SLC8A1: variants seen among roughly 807,000 people sequenced by gnomAD.
SLC8A1 encodes the protein sodium/calcium exchanger 1.
SLC8A1 carries 18 observed loss-of-function variants against 68.3 expected under a neutral mutation model. The observed-to-expected ratio is 0.26, with a 90% CI of 0.18 to 0.39. The LOEUF is 0.39. Among genes scored for constraint, SLC8A1 ranks in the 10% least tolerant of loss-of-function variants. The pLI is 1.00. For synonymous variants in SLC8A1, 475 were observed against 415.5 expected, an observed-to-expected ratio of 1.14 and a Z score of -1.74; for missense variants, 985 against 1,156.7, an observed-to-expected ratio of 0.85 and a Z score of 2.15.
At chr2:40,179,353 A>T (rs976386175) in intron 2 of SLC8A1, among the ~76,000 whole-genome samples, 2 of 152,228 alleles carry the variant, frequency 1.3e-5, no homozygotes, top group African/African-American at 4.8e-5. Context: ...CTGTAATCCA[A>T]CCTTTAACAG....
chr2:40,406,808 G>T (rs995419654), intron 2 of SLC8A1, among the ~76,000 whole-genome samples: 4 of 152,168 alleles, frequency 2.6e-5, no homozygotes. Flanking sequence ...AGAGACATCT[G>T]CAGAGGGACC....
intron 2 of SLC8A1, among the ~76,000 whole-genome samples, chr2:40,322,818 G>T (rs2075360326): frequency 7.2e-6 from 1 of 138,968 alleles, no homozygotes; most frequent in Non-Finnish European, 1.6e-5. Context: ...CCATTTATTG[G>T]GTAACACACA....
chr2:40,375,517 T>C (rs1323682884), intron 2 of SLC8A1, among the ~76,000 whole-genome samples: 3 of 152,128 alleles, frequency 2.0e-5, no homozygotes, highest in Admixed American at 1.3e-4. Flanking sequence ...CAACATGGTA[T>C]CAAATACCAT....
intron 2 of SLC8A1, among the ~76,000 whole-genome samples, chr2:40,277,775 T>C (rs891533159): frequency 7.6e-6 from 1 of 132,360 alleles, no homozygotes; most frequent in Non-Finnish European, 1.6e-5. Flanking sequence ...AACATATGTA[T>C]AAATATATAT....
intron 2 of SLC8A1, among the ~76,000 whole-genome samples, chr2:40,255,473 T>TATCA (rs1398621152): frequency 2.0e-5 from 3 of 152,182 alleles, no homozygotes; most frequent in African/African-American, 7.2e-5. Flanking sequence ...ACATCTCCAC[T>TATCA]ATCATCAAAA....
intron 4 of SLC8A1, among the ~76,000 whole-genome samples, chr2:40,173,986 G>T (rs2048009165): frequency 6.6e-6 from 1 of 152,144 alleles, no homozygotes; most frequent in South Asian, 2.1e-4. Context: ...GCTAAATAAT[G>T]CAATCAACAC....
intron 2 of SLC8A1, among the ~76,000 whole-genome samples, chr2:40,216,597 G>T (rs2057523193): frequency 6.6e-6 from 1 of 152,172 alleles, no homozygotes; most frequent in Non-Finnish European, 1.5e-5. Context: ...CACAATGGCT[G>T]AACTAATTTA....
chr2:40,233,799 T>G (rs1490481366), intron 2 of SLC8A1, among the ~76,000 whole-genome samples: 1 of 151,952 alleles, frequency 6.6e-6, no homozygotes, highest in Non-Finnish European at 1.5e-5. Flanking sequence ...GGATCCAGTT[T>G]CAGCTTTCTA....
At chr2:40,126,288 T>G (rs531939508) in intron 7 of SLC8A1, among the ~76,000 whole-genome samples, 12 of 152,284 alleles carry the variant, frequency 7.9e-5, no homozygotes, top group African/African-American at 2.9e-4. Context: ...GCTATATAAA[T>G]GTAGTTACTA....
rs1372670825 is a variant in SLC8A1, at chr2:40,154,303, T to C, written c.2161+6462A>G. Among the ~76,000 whole-genome samples the C allele has an allele frequency of 2.7e-4, 33 of 121,680 alleles. 1 individual carries two copies. Among genetic ancestry groups the C allele is most frequent in the Non-Finnish European group, 4.8e-4 (28 of 58,210 alleles). The allele number at this position is 121,680 out of a possible 152,430, so 79.8% of individuals were successfully genotyped here. A position where few individuals can be genotyped will look rare whatever the true frequency, so the allele number is the denominator to read the frequency against. On this transcript the variant is annotated intron_variant, in intron 6 of 7. Transcript: ENST00000406785. ...TTTAATTTATTTTTATTTATTCTTT[T>C]TTTTTTTTTTTTTTTTTTGAGACGG...
chr2:40,381,471 T>C (rs1392327969), intron 2 of SLC8A1, among the ~76,000 whole-genome samples: 1 of 151,990 alleles, frequency 6.6e-6, no homozygotes, highest in Non-Finnish European at 1.5e-5. Context: ...TCAATTCATA[T>C]CTCCAGAACA....
intron 2 of SLC8A1, among the ~76,000 whole-genome samples, chr2:40,193,999 T>A (rs1038736510): frequency 1.3e-5 from 2 of 152,126 alleles, no homozygotes; most frequent in African/African-American, 4.8e-5. Context: ...CAAGTTGAAA[T>A]TGCATGAAAT....
At chr2:40,299,996 A>T (rs1196568492) in intron 2 of SLC8A1, among the ~76,000 whole-genome samples, 1 of 152,110 alleles carries the variant, frequency 6.6e-6, no homozygotes, top group East Asian at 1.9e-4. Context: ...AATTGCGCAT[A>T]CAGCACCAAT....
intron 2 of SLC8A1, among the ~76,000 whole-genome samples, chr2:40,347,709 C>T (rs78810495): frequency 0.017 from 2,557 of 152,176 alleles, 34 homozygotes; most frequent in Middle Eastern, 0.027. Flanking sequence ...GAAATACTTT[C>T]GAAATATTGT....
intron 2 of SLC8A1, among the ~76,000 whole-genome samples, chr2:40,424,925 GTAA>G (rs1488754818): frequency 2.0e-5 from 3 of 151,674 alleles, no homozygotes; most frequent in Non-Finnish European, 4.4e-5. Context: ...ACAATATTTT[GTAA>G]TAATTATTAC....
chr2:40,184,650 T>C (rs1453474697), intron 2 of SLC8A1, among the ~76,000 whole-genome samples: 4 of 152,172 alleles, frequency 2.6e-5, no homozygotes, highest in African/African-American at 9.6e-5. Context: ...AAGACAGTAA[T>C]GCCTCATGTC....
chr2:40,297,554 A>G (rs1485934901), intron 2 of SLC8A1, among the ~76,000 whole-genome samples: 1 of 152,228 alleles, frequency 6.6e-6, no homozygotes, highest in Non-Finnish European at 1.5e-5. Context: ...ACATCTTGAG[A>G]TAAAACATTG....
chr2:40,427,141 CT>C (rs1697079948), intron 2 of SLC8A1, among the ~76,000 whole-genome samples: 2 of 151,980 alleles, frequency 1.3e-5, no homozygotes, highest in African/African-American at 4.8e-5. Flanking sequence ...ATAATCCCTG[CT>C]TTGCTTGATT....
At chr2:40,451,717 G>T (rs1300572353) in intron 1 of SLC8A1, among the ~76,000 whole-genome samples, 187 bp downstream of exon 1, 2 of 143,924 alleles carry the variant, frequency 1.4e-5, no homozygotes, top group Non-Finnish European at 3.0e-5. Context: ...AGAAAAATGT[G>T]CAGGCGCGCA....
Sources: gnomAD v4.1 joint callset for allele counts (sites outside exome capture counted in the v4.1 genomes callset) on GRCh38, gnomAD v4.1.1 for gene constraint, MANE v1.5 for transcripts, NCBI Gene and HGNC (gene_info 2026-07-23, HGNC 2026-07-21) for gene names.